The following LAMB1 variants were observed in gnomAD, a reference collection of about 807,000 sequenced individuals.
The protein encoded by LAMB1 is laminin subunit beta-1.
A neutral mutation model predicts 222.3 loss-of-function variants in LAMB1; 121 were observed. The ratio of observed to expected loss-of-function variants is 0.54; its 90% confidence interval spans 0.47 to 0.63. The LOEUF is 0.63. LAMB1 is among the 30% of genes least tolerant of loss of function. The pLI is 0.00. For missense variants in LAMB1, 2,172 were observed against 2,240.8 expected (o/e 0.97, Z 0.62); for synonymous variants, 794 against 807.2 (o/e 0.98, Z 0.28).
At chr7:107,963,987 C>A (rs1157273773) in intron 14 of LAMB1, among the ~76,000 whole-genome samples, 1 of 152,202 alleles carries the variant, frequency 6.6e-6, no homozygotes, top group African/African-American at 2.4e-5. Context: ...AATCGAGCTA[C>A]TCGGGAAGCT....
Position 107,961,235 on chromosome 7 carries a change from C to A in LAMB1, c.2080G>T (p.Val694Leu), listed in dbSNP as rs753587933. The A allele has an allele frequency of 1.2e-6, 2 of 1,614,044 alleles. No individual in the cohort carries two copies. Among genetic ancestry groups the A allele is most frequent in the Non-Finnish European group, 1.7e-6 (2 of 1,180,012 alleles). ...LPQYTSSDSD[V>L]ESPYTLIDSL... ...TCGATCAGCGTGTAGGGGCTCTCCA[C>A]GTCGCTATCAGAGGAGGTGTACTGA... The change falls in exon 17 of 34, where the codon GTG becomes TTG. Residue 694 changes from valine to leucine, a missense_variant. Val to Leu is a conservative substitution (Grantham distance 32). Transcript: ENST00000222399.
At position 108,001,643 on chromosome 7, in the gene LAMB1, A is replaced by T. The variant is rs2034386561; in HGVS notation, c.128T>A (p.Leu43His). Reference protein sequence around the residue: ...GSCYPATGDLLIGRAQKLSVT... With the variant: ...GSCYPATGDLHIGRAQKLSVT... The stretch of plus-strand genomic sequence containing the variant: ...CGAAAGCTTCTGTGCTCGGCCGATG[A>T]GAAGGTCGCCCGTGGCGGGATAGCA... Residue 43 changes from leucine to histidine, a missense_variant, in exon 3 of 34, where the codon CTC (leucine) becomes CAC (histidine). By Grantham distance (99) the Leu-to-His change is moderately conservative (BLOSUM62 -3). Coordinates refer to ENST00000222399, the MANE Select transcript of LAMB1 (RefSeq NM_002291.3). 1 of 1,613,060 alleles carries T rather than the reference A, an allele frequency of 6.2e-7. No individual in the cohort carries two copies. The highest frequency in any genetic ancestry group is 8.5e-7 in the Non-Finnish European group (1 of 1,179,872).
chr7:107,969,494 C>T (rs151035839), intron 13 of LAMB1, among the ~76,000 whole-genome samples: 3 of 152,292 alleles, frequency 2.0e-5, no homozygotes, highest in South Asian at 4.1e-4. Context: ...CTCAGGGTGG[C>T]ATTCCTCCCC....
chr7:108,002,091 C>A, intron 2 of LAMB1: 1 of 1,469,474 alleles, frequency 6.8e-7, no homozygotes, highest in Non-Finnish European at 9.0e-7. Context: ...GTCCGGAGCC[C>A]GGCGCAGGGA....
intron 5 of LAMB1, among the ~76,000 whole-genome samples, chr7:107,989,502 T>A (rs570317845): frequency 1.3e-5 from 2 of 152,322 alleles, no homozygotes; most frequent in African/African-American, 4.8e-5. Flanking sequence ...GATAAGAACA[T>A]GGACAATTAC....
At chr7:107,932,047 T>G in intron 28 of LAMB1, 127 bp downstream of exon 28, 1 of 855,412 alleles carries the variant, frequency 1.2e-6, no homozygotes, top group Non-Finnish European at 1.9e-6. Flanking sequence ...TGAACTTTCA[T>G]ATTTGATTGT....
chr7:107,940,172 A>G lies in LAMB1; in HGVS notation c.3578T>C (p.Leu1193Pro). ...FALWDVIIAE[L>P]TNRTHRFLEK... Reference sequence around the variant, plus strand: ...CAGGAATCTGTGTGTCCTGTTGGTCAGCTCGGCAATGATCACATCCCAGAG... The same window carrying G: ...CAGGAATCTGTGTGTCCTGTTGGTCGGCTCGGCAATGATCACATCCCAGAG... Residue 1193 changes from leucine (L) to proline (P), a missense_variant, in exon 25 of 34, where the codon CTG becomes CCG. Leu to Pro is a moderately conservative substitution (Grantham distance 98). Transcript: ENST00000222399. The G allele has an allele frequency of 6.2e-7, 1 of 1,614,148 alleles. No individual in the cohort carries two copies. The highest frequency in any genetic ancestry group is 1.1e-5 in the South Asian group (1 of 91,082).
chr7:107,932,601 A>G (rs1418820419), intron 27 of LAMB1: 4 of 584,524 alleles, frequency 6.8e-6, no homozygotes, highest in African/African-American at 1.9e-5. Flanking sequence ...ACTCATCAAT[A>G]TCTTCTGCCC....
intron 13 of LAMB1, among the ~76,000 whole-genome samples, chr7:107,968,140 A>C (rs2033671220): frequency 6.6e-6 from 1 of 152,094 alleles, no homozygotes; most frequent in Non-Finnish European, 1.5e-5. Flanking sequence ...TCCCCTGCTC[A>C]CTAATCGCAC....
intron 7 of LAMB1, among the ~76,000 whole-genome samples, chr7:107,981,885 AG>A (rs1480941803): frequency 6.6e-6 from 1 of 152,260 alleles, no homozygotes; most frequent in East Asian, 1.9e-4. Context: ...TTAACGCTAT[AG>A]AATAACTACA....
At chr7:108,001,420 G>T in intron 3 of LAMB1, 138 bp downstream of exon 3, 2 of 932,418 alleles carry the variant, frequency 2.1e-6, no homozygotes, top group East Asian at 2.7e-5. Flanking sequence ...TGAGCTACAA[G>T]CCTAATCCCG....
rs151128093 is a variant in LAMB1 at position 107,959,319 on chromosome 7, C to T, written c.2620G>A (p.Asp874Asn). Residue 874 changes from aspartate (D) to asparagine (N), a missense_variant, in exon 20 of 34, where the codon GAT (aspartate) becomes AAT (asparagine). By Grantham distance (23) the Asp-to-Asn change is conservative (BLOSUM62 1). Transcript: ENST00000222399. The stretch of plus-strand genomic sequence containing the variant: ...TCCCCAGTCACTGGGTCGCAGTCAT[C>T]GGCGTGGCCATTGCACTGGCAGGGC... ...CQPCQCNGHA[D>N]DCDPVTGECL... is the part of the protein sequence containing the mutation. The T allele has an allele frequency of 2.7e-5, 43 of 1,614,232 alleles. No individual in the cohort carries two copies. In the African/African-American group the frequency reaches 3.2e-4, roughly 12 times the overall value.
At chr7:107,963,187 A>G in intron 14 of LAMB1, 124 bp from the exon 15 acceptor site, 3 of 851,510 alleles carry the variant, frequency 3.5e-6, no homozygotes, top group Non-Finnish European at 5.4e-6. Context: ...TCTATTTTTT[A>G]TAGTCAAATC....
intron 31 of LAMB1, 22 bp downstream of exon 31, chr7:107,929,042 T>G (rs899012449): frequency 1.2e-6 from 2 of 1,610,572 alleles, no homozygotes; most frequent in African/African-American, 1.3e-5. Flanking sequence ...TTCCCATTCA[T>G]GTAATGATTG....
At chr7:107,982,065 C>A (rs1417170371) in intron 7 of LAMB1, among the ~76,000 whole-genome samples, 2 of 152,152 alleles carry the variant, frequency 1.3e-5, no homozygotes, top group African/African-American at 4.8e-5. Flanking sequence ...ATACAAGTTA[C>A]CTCTAAATCA....
At chr7:108,000,473 T>C (rs1481519880) in intron 3 of LAMB1, among the ~76,000 whole-genome samples, 1 of 152,240 alleles carries the variant, frequency 6.6e-6, no homozygotes, top group Non-Finnish European at 1.5e-5. Context: ...TCTGAGCAAT[T>C]AGCTTGGAAC....
intron 24 of LAMB1, among the ~76,000 whole-genome samples, chr7:107,949,799 A>G (rs562796898): frequency 6.6e-6 from 1 of 152,202 alleles, no homozygotes; most frequent in Non-Finnish European, 1.5e-5. Flanking sequence ...TAAGGAACAC[A>G]TGGGTTTGCA....
At position 107,926,994 on chromosome 7, in the gene LAMB1, T is replaced by C. The variant is rs528473649; in HGVS notation, c.4888-635A>G. Among the ~76,000 whole-genome samples the C allele has an allele frequency of 2.6e-5, 4 of 152,310 alleles. No individual in the cohort carries two copies. In the South Asian group the frequency reaches 8.3e-4, roughly 32 times the overall value. ...CCTTTCAAAGTAGAATCAATAAACA[T>C]TGACTTTTAAAAGCTAGCCAAAGTA... On this transcript the variant is annotated intron_variant, in intron 31 of 33. Transcript: ENST00000222399.
intron 8 of LAMB1, among the ~76,000 whole-genome samples, chr7:107,978,555 C>T (rs1414268743): frequency 2.6e-5 from 4 of 151,758 alleles, no homozygotes; most frequent in African/African-American, 9.7e-5. Flanking sequence ...TGCATACATA[C>T]CACCTGGAAA....
Sources: gnomAD v4.1 joint callset for allele counts (sites outside exome capture counted in the v4.1 genomes callset) on GRCh38, gnomAD v4.1.1 for gene constraint, MANE v1.5 for transcripts, NCBI Gene and HGNC (gene_info 2026-07-23, HGNC 2026-07-21) for gene names.